NCALD: variants seen among roughly 807,000 people sequenced by gnomAD.
NCALD encodes the protein neurocalcin-delta.
A neutral mutation model predicts 18.6 loss-of-function variants in NCALD; 10 were observed. The ratio of observed to expected loss-of-function variants is 0.54; its 90% confidence interval spans 0.33 to 0.91. The LOEUF (loss-of-function observed/expected upper bound fraction) is 0.91, where lower values mean the gene tolerates loss of function less well. Ranked by LOEUF, NCALD falls within the 40% of genes least tolerant of loss-of-function variation. The probability of loss-of-function intolerance (pLI) is 0.03; values close to 1 mark genes in which losing one functional copy is unlikely to be tolerated. For missense variants in NCALD, 184 were observed against 247.6 expected (o/e 0.74, Z 1.72); for synonymous variants, 88 against 87.4 (o/e 1.01, Z -0.04).
intron 1 of NCALD, among the ~76,000 whole-genome samples, chr8:102,066,352 G>C (rs950010438): frequency 1.3e-5 from 2 of 152,170 alleles, no homozygotes; most frequent in African/African-American, 2.4e-5. Flanking sequence ...TTTTACCCAA[G>C]GTAAGAGAAG....
At chr8:101,965,722 C>G (rs1298026791) in intron 2 of NCALD, among the ~76,000 whole-genome samples, 1 of 152,094 alleles carries the variant, frequency 6.6e-6, no homozygotes, top group East Asian at 1.9e-4. Flanking sequence ...ATGTAACAAA[C>G]CTGCATGTTC....
At chr8:101,739,910 C>T (rs1043508974) in intron 1 of NCALD, among the ~76,000 whole-genome samples, 2 of 152,194 alleles carry the variant, frequency 1.3e-5, no homozygotes, top group African/African-American at 4.8e-5. Context: ...CGTTCTGTCT[C>T]TCTAGAGACC....
At chr8:101,828,559 CTTTT>C (rs11370046) in intron 4 of NCALD, among the ~76,000 whole-genome samples, 3 of 145,934 alleles carry the variant, frequency 2.1e-5, no homozygotes, top group African/African-American at 5.0e-5. Context: ...TAATTTCCTT[CTTTT>C]TTTTTTTTGC....
At chr8:102,106,138 C>T (rs995857264) in intron 1 of NCALD, among the ~76,000 whole-genome samples, 4 of 151,410 alleles carry the variant, frequency 2.6e-5, no homozygotes, top group African/African-American at 7.3e-5. Flanking sequence ...GGCGCAATCT[C>T]GGCTCAGTGC....
chr8:101,742,897 C>T (rs776845248), intron 1 of NCALD, among the ~76,000 whole-genome samples: 1 of 152,086 alleles, frequency 6.6e-6, no homozygotes, highest in Non-Finnish European at 1.5e-5. Context: ...TTGTTCAGCT[C>T]CCACCTATGA....
intron 4 of NCALD, among the ~76,000 whole-genome samples, chr8:101,841,578 G>A (rs1014189666): frequency 1.3e-4 from 20 of 152,116 alleles, no homozygotes; most frequent in Non-Finnish European, 2.6e-4. Context: ...CTTTGAGTTG[G>A]GGAAAGGCAG....
At chr8:101,837,919 G>A (rs1375021083) in intron 4 of NCALD, among the ~76,000 whole-genome samples, 4 of 152,008 alleles carry the variant, frequency 2.6e-5, no homozygotes, top group Non-Finnish European at 5.9e-5. Context: ...TCTATTTGTT[G>A]GTCTGTCCCT....
chr8:101,736,631 G>C (rs1809927603), intron 1 of NCALD, among the ~76,000 whole-genome samples: 1 of 152,166 alleles, frequency 6.6e-6, no homozygotes, highest in Admixed American at 6.5e-5. Flanking sequence ...CCCGTGGTGA[G>C]TGGAAATGGT....
intron 3 of NCALD, among the ~76,000 whole-genome samples, chr8:101,890,279 T>C (rs918988941): frequency 3.3e-5 from 5 of 152,328 alleles, no homozygotes; most frequent in Non-Finnish European, 7.4e-5. Flanking sequence ...ACCTCATCTT[T>C]AATTAAGAAA....
chr8:102,074,345 A>G (rs1824274603), intron 1 of NCALD, among the ~76,000 whole-genome samples: 2 of 152,186 alleles, frequency 1.3e-5, no homozygotes. Context: ...TAAGAAGGGG[A>G]AAATGGCACC....
intron 4 of NCALD, among the ~76,000 whole-genome samples, chr8:101,860,089 C>A (rs1490588728): frequency 6.6e-6 from 1 of 152,090 alleles, no homozygotes; most frequent in African/African-American, 2.4e-5. Context: ...GGAACATTGT[C>A]TTCAAAATGT....
chr8:102,001,393 C>T (rs531088146), intron 2 of NCALD, among the ~76,000 whole-genome samples: 82 of 152,316 alleles, frequency 5.4e-4, no homozygotes, highest in African/African-American at 1.7e-3. Flanking sequence ...ACCAAATCTA[C>T]GTCTGATTGG....
Position 101,807,340 on chromosome 8 carries a change from T to C in NCALD, c.-20+79801A>G, listed in dbSNP as rs182730410. 3.3e-5 allele frequency among the ~76,000 whole-genome samples: 5 copies of C among 152,262 alleles called. No homozygotes were observed. In the East Asian group the frequency reaches 5.8e-4, roughly 18 times the overall value. On this transcript the variant is annotated intron_variant, in intron 4 of 6. Coordinates refer to the NCALD transcript ENST00000311028. ...TATATTGGAGTTGTAAAGTACAGAA[T>C]TGTAAAATATTGTTGTAAAATATTC...
chr8:101,745,081 T>TTATCAAG (rs1810372597), intron 1 of NCALD, among the ~76,000 whole-genome samples: 1 of 151,516 alleles, frequency 6.6e-6, no homozygotes, highest in Non-Finnish European at 1.5e-5. Context: ...AGAACGTCCT[T>TTATCAAG]GATAAAGCAG....
intron 4 of NCALD, chr8:101,872,372 C>G: frequency 6.5e-7 from 1 of 1,527,230 alleles, no homozygotes; most frequent in Non-Finnish European, 9.1e-7. Flanking sequence ...AACTCGTCTT[C>G]ATGATCCTCC....
intron 3 of NCALD, chr8:101,690,690 G>T: frequency 2.0e-6 from 2 of 985,448 alleles, no homozygotes; most frequent in Non-Finnish European, 2.4e-6. Flanking sequence ...AAAAGATAGG[G>T]ATGCATTTAT....
intron 2 of NCALD, among the ~76,000 whole-genome samples, chr8:101,919,972 TGG>T (rs1818106920): frequency 6.6e-6 from 1 of 152,118 alleles, no homozygotes; most frequent in Non-Finnish European, 1.5e-5. Context: ...AAAAGCAGTT[TGG>T]GGCTGGGCGT....
At chr8:101,692,040 G>A (rs1169435335) in intron 3 of NCALD, 19 of 976,158 alleles carry the variant, frequency 1.9e-5, no homozygotes, top group Non-Finnish European at 2.3e-5. Context: ...CAGATAAACA[G>A]CAAGTGACTT....
At chr8:101,778,567 A>G (rs1304029448) in intron 1 of NCALD, among the ~76,000 whole-genome samples, 1 of 152,182 alleles carries the variant, frequency 6.6e-6, no homozygotes, top group Non-Finnish European at 1.5e-5. Context: ...AAAGATGCTC[A>G]GTGGAAAGTC....
Sources: allele counts gnomAD v4.1 joint callset (sites outside exome capture counted in the v4.1 genomes callset), GRCh38; gene constraint gnomAD v4.1.1; transcripts MANE v1.5; gene names NCBI Gene and HGNC (gene_info 2026-07-23, HGNC 2026-07-21).